RASGRF2: variants seen among roughly 807,000 people sequenced by gnomAD.
RASGRF2 encodes the protein Ras protein specific guanine nucleotide releasing factor 2.
RASGRF2 carries 76 observed loss-of-function variants against 151.0 expected under a neutral mutation model. That is an observed-to-expected ratio of 0.50 (90% CI 0.42 to 0.61). The LOEUF (loss-of-function observed/expected upper bound fraction) is 0.61, where lower values mean the gene tolerates loss of function less well. RASGRF2 is among the 20% of genes least tolerant of loss of function. RASGRF2 has a pLI of 0.00. For synonymous variants in RASGRF2, 504 were observed against 566.5 expected (o/e 0.89, Z 1.57); for missense variants, 1,148 against 1,564.6 (o/e 0.73, Z 4.49).
chr5:81,144,235 T>C (rs1368841796), intron 17 of RASGRF2, among the ~76,000 whole-genome samples: 2 of 152,224 alleles, frequency 1.3e-5, no homozygotes, highest in Non-Finnish European at 2.9e-5. Context: ...AAGTAATCTA[T>C]GGAAACATAC....
chr5:81,008,859 A>G (rs954253003), intron 1 of RASGRF2, among the ~76,000 whole-genome samples: 1 of 152,198 alleles, frequency 6.6e-6, no homozygotes, highest in Admixed American at 6.5e-5. Flanking sequence ...TATTTTCTGG[A>G]CATACTTCTT....
At chr5:81,049,197 A>T (rs936677871) in intron 2 of RASGRF2, among the ~76,000 whole-genome samples, 1 of 151,812 alleles carries the variant, frequency 6.6e-6, no homozygotes, top group Non-Finnish European at 1.5e-5. Flanking sequence ...CAGACAATAC[A>T]AAAGTAAAGA....
intron 15 of RASGRF2, among the ~76,000 whole-genome samples, chr5:81,118,416 G>T (rs1753217884): frequency 6.6e-6 from 1 of 152,202 alleles, no homozygotes; most frequent in Admixed American, 6.5e-5. Context: ...ACAGGAATGT[G>T]GGGAGCAGCC....
At chr5:81,145,115 A>G (rs1318157063) in intron 17 of RASGRF2, among the ~76,000 whole-genome samples, 1 of 152,042 alleles carries the variant, frequency 6.6e-6, no homozygotes, top group Non-Finnish European at 1.5e-5. Context: ...GGTGGCATAC[A>G]TCTGTAATCC....
At chr5:81,071,499 C>A (rs1751772700) in intron 4 of RASGRF2, among the ~76,000 whole-genome samples, 1 of 152,142 alleles carries the variant, frequency 6.6e-6, no homozygotes, top group South Asian at 2.1e-4. Flanking sequence ...ATGTTTTCTA[C>A]AAAATTGATT....
At chr5:81,208,470 T>A in intron 22 of RASGRF2, 32 bp downstream of exon 22, 2 of 1,543,988 alleles carry the variant, frequency 1.3e-6, no homozygotes, top group South Asian at 2.2e-5. Context: ...ACCGTGGGCG[T>A]GTCACAAGAA....
chr5:81,058,016 T>C (rs1751284686), intron 2 of RASGRF2, among the ~76,000 whole-genome samples: 1 of 151,852 alleles, frequency 6.6e-6, no homozygotes. Context: ...AATTAATTAA[T>C]TAATTAATTA....
intron 17 of RASGRF2, among the ~76,000 whole-genome samples, chr5:81,167,776 C>T (rs1405682017): frequency 6.6e-6 from 1 of 152,120 alleles, no homozygotes; most frequent in Non-Finnish European, 1.5e-5. Context: ...GTAGGAGCAA[C>T]GAAGAGCATG....
At chr5:81,028,435 T>G in intron 1 of RASGRF2, among the ~76,000 whole-genome samples, 1 of 152,094 alleles carries the variant, frequency 6.6e-6, no homozygotes, top group African/African-American at 2.4e-5. Flanking sequence ...AATCTCAGTT[T>G]TCAGGCTCAT....
chr5:81,196,125 G>A (rs983059123), intron 18 of RASGRF2, among the ~76,000 whole-genome samples: 2 of 152,172 alleles, frequency 1.3e-5, no homozygotes, highest in African/African-American at 4.8e-5. Context: ...TGGGCGTGGT[G>A]GTGTGCACCT....
intron 1 of RASGRF2, among the ~76,000 whole-genome samples, chr5:81,018,976 T>C (rs528278913): frequency 2.4e-4 from 36 of 152,188 alleles, no homozygotes; most frequent in African/African-American, 8.2e-4. Flanking sequence ...ATTTTTGTAT[T>C]TTTGGTAGAG....
intron 17 of RASGRF2, among the ~76,000 whole-genome samples, chr5:81,178,589 G>A (rs1754836085): frequency 6.6e-6 from 1 of 152,158 alleles, no homozygotes. Flanking sequence ...ATTTCCTAGG[G>A]AGCGATTATA....
chr5:81,042,859 GTT>G lies in RASGRF2; in HGVS notation c.289-16_289-15del. On this transcript the variant is annotated splice_polypyrimidine_tract_variant and intron_variant, in intron 1 of 26. Coordinates refer to ENST00000265080, the MANE Select transcript of RASGRF2 (RefSeq NM_006909.3). Reference sequence around the variant, plus strand: ...TGAAAAATAGAACTAAGTTTTTTGTGTTTCTTTTTCTTTCCAGTATTACTTTA... The same window carrying G: ...TGAAAAATAGAACTAAGTTTTTTGTGTCTTTTTCTTTCCAGTATTACTTTA... 6.4e-7 allele frequency: 1 copy of G among 1,563,068 alleles called. No homozygotes were observed. Among genetic ancestry groups the G allele is most frequent in the Non-Finnish European group, 8.7e-7 (1 of 1,143,422 alleles).
At position 81,209,204 on chromosome 5, in the gene RASGRF2, A is replaced by T. The variant is rs148462637; in HGVS notation, c.3156+766A>T. Among the ~76,000 whole-genome samples, 755 of 152,226 alleles carry T rather than the reference A, an allele frequency of 5.0e-3. 6 individuals carry two copies. Among genetic ancestry groups the T allele is most frequent in the African/African-American group, 0.018 (729 of 41,520 alleles). On this transcript the variant is annotated intron_variant, in intron 22 of 26. Transcript: ENST00000265080. ...TGGAGCATAATCACATTGTTGCTAT[A>T]GTTCTGTGCAGCAGTGGCCAGCTGT...
chr5:80,972,451 TTTCAAGTACTTATCAATCATTTGA>T (rs1253355069), intron 1 of RASGRF2, among the ~76,000 whole-genome samples: 3 of 152,036 alleles, frequency 2.0e-5, no homozygotes, highest in African/African-American at 7.2e-5. Context: ...TTGAGCACCT[TTTCAAGTACTTATCAATCATTTGA>T]TTGGTCTCTG....
intron 15 of RASGRF2, among the ~76,000 whole-genome samples, chr5:81,116,664 A>G (rs1368621514): frequency 6.6e-6 from 1 of 152,208 alleles, no homozygotes; most frequent in Non-Finnish European, 1.5e-5. Flanking sequence ...CCGAAACTCT[A>G]TAATCATTGA....
chr5:81,162,476 T>C (rs534845610), intron 17 of RASGRF2, among the ~76,000 whole-genome samples: 11 of 152,220 alleles, frequency 7.2e-5, no homozygotes. Flanking sequence ...GCATCATGAG[T>C]AGCTGGGACT....
intron 1 of RASGRF2, among the ~76,000 whole-genome samples, chr5:81,034,590 A>AC (rs1253470425): frequency 2.6e-5 from 4 of 151,814 alleles, no homozygotes; most frequent in Non-Finnish European, 5.9e-5. Context: ...AAAATGTGGC[A>AC]CATATACACC....
chr5:81,180,315 A>AT (rs781657210), intron 18 of RASGRF2, 34 bp downstream of exon 18: 30 of 1,309,584 alleles, frequency 2.3e-5, no homozygotes, highest in Middle Eastern at 1.8e-4. Flanking sequence ...ACTTGCAAGG[A>AT]TTTTTTAAAA....
Sources: allele counts gnomAD v4.1 joint callset (sites outside exome capture counted in the v4.1 genomes callset), GRCh38; gene constraint gnomAD v4.1.1; transcripts MANE v1.5; gene names NCBI Gene and HGNC (gene_info 2026-07-23, HGNC 2026-07-21).